LRBA: variants seen among roughly 807,000 people sequenced by gnomAD.
LRBA encodes the protein LPS responsive beige-like anchor protein, also known as lipopolysaccharide-responsive and beige-like anchor protein.
Under a neutral mutation model 330.0 loss-of-function variants are expected in LRBA, and 176 were observed. The observed-to-expected ratio is 0.53, with a 90% CI of 0.47 to 0.60. The LOEUF is 0.60. Ranked by LOEUF, LRBA falls within the 20% of genes least tolerant of loss-of-function variation. The pLI, the probability that LRBA is intolerant of heterozygous loss-of-function variation, is 0.00. For synonymous variants in LRBA, 1,230 were observed against 1,193.0 expected, an observed-to-expected ratio of 1.03 and a Z score of -0.64; for missense variants, 3,259 against 3,444.8, an observed-to-expected ratio of 0.95 and a Z score of 1.35.
At chr4:150,799,695 T>C (rs1741306051) in intron 33 of LRBA, among the ~76,000 whole-genome samples, 1 of 152,208 alleles carries the variant, frequency 6.6e-6, no homozygotes, top group Non-Finnish European at 1.5e-5. Context: ...GGGAGATTTA[T>C]AGGTGCTCCT....
At chr4:150,556,272 T>G (rs923461224) in intron 40 of LRBA, among the ~76,000 whole-genome samples, 11 of 152,292 alleles carry the variant, frequency 7.2e-5, no homozygotes, top group African/African-American at 2.6e-4. Context: ...AAAACTAAAT[T>G]TAAAAACTAT....
At chr4:150,693,452 T>A (rs1219870581) in intron 36 of LRBA, among the ~76,000 whole-genome samples, 12 of 144,442 alleles carry the variant, frequency 8.3e-5, no homozygotes, top group Non-Finnish European at 3.0e-5. Context: ...TAGTCCCAGC[T>A]ACTTGGGAGG....
intron 37 of LRBA, among the ~76,000 whole-genome samples, chr4:150,681,402 A>G (rs1228233883): frequency 6.6e-6 from 1 of 152,072 alleles, no homozygotes; most frequent in African/African-American, 2.4e-5. Context: ...ATGGACCTTA[A>G]AAGGAACATT....
intron 2 of LRBA, among the ~76,000 whole-genome samples, chr4:150,946,029 A>C (rs1736206132): frequency 6.6e-6 from 1 of 152,100 alleles, no homozygotes; most frequent in South Asian, 2.1e-4. Flanking sequence ...CAAACTCCTG[A>C]CCTTGTGATC....
At chr4:150,847,114 TAGACA>T (rs1749959614) in intron 26 of LRBA, among the ~76,000 whole-genome samples, 1 of 152,264 alleles carries the variant, frequency 6.6e-6, no homozygotes, top group East Asian at 1.9e-4. Flanking sequence ...GAGCACTAGT[TAGACA>T]AAAGTATAGT....
intron 17 of LRBA, among the ~76,000 whole-genome samples, chr4:150,876,124 AAG>A (rs1252010311): frequency 1.3e-5 from 2 of 152,238 alleles, no homozygotes; most frequent in African/African-American, 2.4e-5. Flanking sequence ...AACCAAAAGA[AAG>A]AATTTCAAAG....
intron 40 of LRBA, among the ~76,000 whole-genome samples, chr4:150,559,251 C>G (rs947063628): frequency 6.6e-6 from 1 of 151,872 alleles, no homozygotes; most frequent in Non-Finnish European, 1.5e-5. Flanking sequence ...TAATTCTAAA[C>G]TAGATTATCT....
chr4:150,530,094 C>CAT (rs1234237357), intron 40 of LRBA, among the ~76,000 whole-genome samples: 6 of 152,088 alleles, frequency 3.9e-5, no homozygotes, highest in African/African-American at 1.4e-4. Context: ...ATTGCTCTGG[C>CAT]ATAAGAAGAA....
intron 40 of LRBA, among the ~76,000 whole-genome samples, chr4:150,520,368 T>A (rs984081282): frequency 6.6e-6 from 1 of 152,182 alleles, no homozygotes; most frequent in Non-Finnish European, 1.5e-5. Context: ...ACTTGTCATA[T>A]CTTTCAATTT....
At chr4:150,851,379 A>T (rs975571686) in intron 23 of LRBA, among the ~76,000 whole-genome samples, 33 of 152,226 alleles carry the variant, frequency 2.2e-4, no homozygotes, top group African/African-American at 6.5e-4. Context: ...ACAACATGCT[A>T]CCAAGCACTG....
At chr4:150,880,278 G>C (rs1255159902) in intron 17 of LRBA, among the ~76,000 whole-genome samples, 1 of 152,182 alleles carries the variant, frequency 6.6e-6, no homozygotes, top group Non-Finnish European at 1.5e-5. Flanking sequence ...CCAACACTTT[G>C]GGAGTCTGAG....
intron 37 of LRBA, among the ~76,000 whole-genome samples, chr4:150,633,619 T>C (rs949871263): frequency 6.6e-6 from 1 of 152,226 alleles, no homozygotes; most frequent in African/African-American, 2.4e-5. Flanking sequence ...TCTCAGAGCA[T>C]AACACTAATC....
intron 48 of LRBA, among the ~76,000 whole-genome samples, chr4:150,338,966 T>TGC (rs35877513): frequency 6.7e-6 from 1 of 148,618 alleles, no homozygotes; most frequent in Non-Finnish European, 1.5e-5. Flanking sequence ...TATTTAATTA[T>TGC]ACACACACAC....
chr4:150,769,169 T>C lies in LRBA; in HGVS notation c.5581-7322A>G, dbSNP rs1489438582. Among the ~76,000 whole-genome samples, 4 of 152,044 alleles carry C rather than the reference T, an allele frequency of 2.6e-5. No individual in the cohort carries two copies. In the South Asian group the frequency reaches 6.2e-4, roughly 24 times the overall value. ...CATGTTGGCTAGGCTGGTCTCGAAC[T>C]CCTGACCTCAAGTAATCCACCCGCC... On this transcript the variant is annotated intron_variant, in intron 34 of 56. Transcript: ENST00000651943.
At chr4:150,611,872 T>C (rs1775299281) in intron 37 of LRBA, among the ~76,000 whole-genome samples, 4 of 152,290 alleles carry the variant, frequency 2.6e-5, no homozygotes, top group Middle Eastern at 6.8e-3. Context: ...TGCTTTGGCA[T>C]ACAGAACCTT....
chr4:150,555,778 C>CAG (rs1767237314), intron 40 of LRBA, among the ~76,000 whole-genome samples: 1 of 150,886 alleles, frequency 6.6e-6, no homozygotes, highest in Non-Finnish European at 1.5e-5. Context: ...CACACACACA[C>CAG]ACACACACAA....
At chr4:150,755,606 G>T (rs568522179) in intron 35 of LRBA, among the ~76,000 whole-genome samples, 1 of 151,974 alleles carries the variant, frequency 6.6e-6, no homozygotes, top group South Asian at 2.1e-4. Flanking sequence ...TTTAAACTAG[G>T]TTTCATAGTC....
At chr4:150,596,957 G>C (rs1268748836) in intron 38 of LRBA, 1 of 483,424 alleles carries the variant, frequency 2.1e-6, no homozygotes, top group African/African-American at 2.1e-5. Context: ...GAAATTGTAA[G>C]ACAACTGAAG....
At chr4:150,812,800 A>G (rs1342486132) in intron 31 of LRBA, among the ~76,000 whole-genome samples, 2 of 152,200 alleles carry the variant, frequency 1.3e-5, no homozygotes, top group African/African-American at 2.4e-5. Context: ...AGTGAACAGT[A>G]TACTTAGTTC....
Sources: allele counts gnomAD v4.1 joint callset (sites outside exome capture counted in the v4.1 genomes callset), GRCh38; gene constraint gnomAD v4.1.1; transcripts MANE v1.5; gene names NCBI Gene and HGNC (gene_info 2026-07-23, HGNC 2026-07-21).